The following PABIR3 variants were observed in gnomAD, a reference collection of about 807,000 sequenced individuals.
The protein encoded by PABIR3 is PABIR family member 3.
PABIR3 carries 20 observed loss-of-function variants against 23.1 expected under a neutral mutation model. That is an observed-to-expected ratio of 0.86 (90% CI 0.61 to 1.26). The LOEUF is 1.26. Ranked by LOEUF, PABIR3 falls within the 50% of genes most tolerant of loss-of-function variation. PABIR3 has a pLI of 0.00. For synonymous variants in PABIR3, 69 were observed against 68.5 expected (o/e 1.01, Z -0.04); for missense variants, 189 against 195.4 (o/e 0.97, Z 0.20).
At chrX:134,847,255 G>T in intron 6 of PABIR3, 128 bp from the exon 7 acceptor site, 1 of 444,161 alleles carries the variant, frequency 2.3e-6, no homozygotes, top group Non-Finnish European at 3.8e-6. Context: ...AGGATGGCGA[G>T]AGCTCTTCAC....
At chrX:134,800,581 A>G (rs969911489) in intron 1 of PABIR3, among the ~76,000 whole-genome samples, 1 of 111,390 alleles carries the variant, frequency 9.0e-6, no homozygotes, top group Non-Finnish European at 1.9e-5. Context: ...CACAAGGTCA[A>G]GAGATCGAGA....
chrX:134,847,604 AT>A (rs2148349139), intron 7 of PABIR3, 129 bp downstream of exon 7: 2 of 494,342 alleles, frequency 4.0e-6, no homozygotes, highest in East Asian at 3.6e-5. Flanking sequence ...TCTAACTAAC[AT>A]TTTTCCCTTC....
intron 4 of PABIR3, among the ~76,000 whole-genome samples, chrX:134,832,451 G>T (rs2081833418): frequency 1.2e-5 from 1 of 86,197 alleles, no homozygotes; most frequent in African/African-American, 4.6e-5. Context: ...ACCCAGGCTG[G>T]AGTACAGTGG....
intron 4 of PABIR3, among the ~76,000 whole-genome samples, chrX:134,840,172 A>G (rs2082173545): frequency 9.0e-6 from 1 of 110,844 alleles, no homozygotes; most frequent in South Asian, 3.8e-4. Flanking sequence ...GTGCTCGTTA[A>G]GAGTCATCAC....
the PABIR3 span, among the ~76,000 whole-genome samples, chrX:134,863,872 C>T: frequency 1.8e-5 from 2 of 111,141 alleles, no homozygotes; most frequent in African/African-American, 3.3e-5. Context: ...CTGAGCCCAA[C>T]GACTTCCACC....
At chrX:134,801,851 C>CTT (rs371529992) in intron 1 of PABIR3, among the ~76,000 whole-genome samples, 1 of 99,161 alleles carries the variant, frequency 1.0e-5, no homozygotes. Flanking sequence ...GAAAATTCGA[C>CTT]TTTTTTTTTT....
intron 4 of PABIR3, among the ~76,000 whole-genome samples, chrX:134,832,394 CTTTTTTTTTTT>C (rs1162024470): frequency 1.3e-5 from 1 of 77,024 alleles, no homozygotes; most frequent in East Asian, 3.6e-4. Context: ...GACTGGATCC[CTTTTTTTTTTT>C]TTTTTTTTTT....
intron 3 of PABIR3, among the ~76,000 whole-genome samples, chrX:134,815,455 C>A (rs2148157272): frequency 9.0e-6 from 1 of 111,731 alleles, no homozygotes; most frequent in Non-Finnish European, 1.9e-5. Context: ...ATTCACATAA[C>A]ATTCAATTAA....
chrX:134,807,121 C>T, upstream of PABIR3: 4 of 759,569 alleles, frequency 5.3e-6, no homozygotes, highest in Non-Finnish European at 6.2e-6. Flanking sequence ...CTGACTAAGG[C>T]GCCTGAAGTG....
At chrX:134,810,245 C>G in intron 2 of PABIR3, 1 of 754,299 alleles carries the variant, frequency 1.3e-6, no homozygotes, top group Non-Finnish European at 1.6e-6. Flanking sequence ...ACAGAGAGAT[C>G]TCAGTTATCC....
intron 2 of PABIR3, chrX:134,810,418 T>C: frequency 1.3e-6 from 1 of 754,257 alleles, no homozygotes. Flanking sequence ...ATTTCTGTAG[T>C]AGGAGTTTAA....
intron 4 of PABIR3, among the ~76,000 whole-genome samples, chrX:134,840,447 C>A (rs1222527070): frequency 9.0e-6 from 1 of 111,616 alleles, no homozygotes; most frequent in Non-Finnish European, 1.9e-5. Context: ...CTTCCCATTA[C>A]CTATTGAATA....
At chrX:134,825,100 C>T (rs752487275) in intron 3 of PABIR3, among the ~76,000 whole-genome samples, 1 of 111,345 alleles carries the variant, frequency 9.0e-6, no homozygotes, top group Non-Finnish European at 1.9e-5. Flanking sequence ...TGTGGGAACT[C>T]TTTATAATTT....
chrX:134,804,707 T>C (rs1229813256), upstream of PABIR3, among the ~76,000 whole-genome samples: 1 of 112,576 alleles, frequency 8.9e-6, no homozygotes, highest in Non-Finnish European at 1.9e-5. Context: ...TAGCAAAAGT[T>C]GAAAATTAAA....
intron 4 of PABIR3, among the ~76,000 whole-genome samples, chrX:134,842,034 A>G (rs1211303938): frequency 9.0e-6 from 1 of 110,759 alleles, no homozygotes; most frequent in Admixed American, 9.7e-5. Context: ...AATGGGGGTA[A>G]AGTGGCATCT....
chrX:134,817,891 G>A (rs916444488), intron 3 of PABIR3, among the ~76,000 whole-genome samples: 1 of 111,504 alleles, frequency 9.0e-6, no homozygotes, highest in East Asian at 2.8e-4. Context: ...GATTGGAAGA[G>A]GGCAAACGTA....
chrX:134,837,248 A>T (rs1265844619), intron 4 of PABIR3, among the ~76,000 whole-genome samples: 3 of 110,381 alleles, frequency 2.7e-5, no homozygotes, highest in African/African-American at 9.9e-5. Flanking sequence ...CGGGAGGCTG[A>T]GGCAGGAGAA....
intron 9 of PABIR3, among the ~76,000 whole-genome samples, chrX:134,851,923 G>C (rs1372541117): frequency 8.9e-6 from 1 of 111,812 alleles, no homozygotes; most frequent in Non-Finnish European, 1.9e-5. Context: ...ATTATCATAT[G>C]AATGTGAAAC....
chrX:134,808,110 T>A, intron 2 of PABIR3: 1 of 298,165 alleles, frequency 3.4e-6, no homozygotes, highest in East Asian at 4.7e-5. Context: ...TTCAGCTGCT[T>A]TGTCACCTCT....
Sources: allele counts gnomAD v4.1 joint callset (sites outside exome capture counted in the v4.1 genomes callset), GRCh38; gene constraint gnomAD v4.1.1; transcripts MANE v1.5; gene names NCBI Gene and HGNC (gene_info 2026-07-23, HGNC 2026-07-21).